FANCB: variants seen among roughly 807,000 people sequenced by gnomAD.
FANCB encodes FA complementation group B.
Under a neutral mutation model 38.9 loss-of-function variants are expected in FANCB, and 5 were observed. The observed-to-expected ratio is 0.13, with a 90% CI of 0.07 to 0.27. The LOEUF (loss-of-function observed/expected upper bound fraction) is 0.27, where lower values mean the gene tolerates loss of function less well. FANCB is among the 10% of genes least tolerant of loss of function. The probability of loss-of-function intolerance (pLI) is 1.00; values close to 1 mark genes in which losing one functional copy is unlikely to be tolerated. For missense variants in FANCB, 573 were observed against 602.7 expected, an observed-to-expected ratio of 0.95 and a Z score of 0.52; for synonymous variants, 236 against 215.4, an observed-to-expected ratio of 1.10 and a Z score of -0.84.
At chrX:14,808,107 T>C in the FANCB span, among the ~76,000 whole-genome samples, 35 of 111,863 alleles carry the variant, frequency 3.1e-4, no homozygotes, top group African/African-American at 1.1e-3. Flanking sequence ...CAAGACCCAG[T>C]GGCTTCACTG....
At chrX:14,705,395 T>A in the FANCB span, among the ~76,000 whole-genome samples, 2 of 111,946 alleles carry the variant, frequency 1.8e-5, no homozygotes, top group Non-Finnish European at 3.8e-5. Context: ...GGACTGTGTG[T>A]GTTGCTGAAC....
At chrX:14,798,375 G>A in the FANCB span, among the ~76,000 whole-genome samples, 1 of 110,741 alleles carries the variant, frequency 9.0e-6, no homozygotes, top group African/African-American at 3.3e-5. Context: ...TGTTAGCCAG[G>A]ATGATCTCGA....
chrX:14,721,965 C>T, the FANCB span, among the ~76,000 whole-genome samples: 5 of 111,881 alleles, frequency 4.5e-5, no homozygotes, highest in Non-Finnish European at 9.4e-5. Flanking sequence ...CAGCAATTGC[C>T]TTTCTTTCCT....
chrX:14,775,172 T>TTG, the FANCB span, among the ~76,000 whole-genome samples: 4 of 96,302 alleles, frequency 4.2e-5, no homozygotes, highest in Non-Finnish European at 8.5e-5. Context: ...TTTTTTTTTT[T>TTG]TTTTTTTTTT....
chrX:14,835,737 C>T (rs975494063), downstream of FANCB, among the ~76,000 whole-genome samples: 1 of 111,645 alleles, frequency 9.0e-6, no homozygotes, highest in African/African-American at 3.3e-5. Flanking sequence ...ACCTCACACC[C>T]GTTAGGATGG....
the FANCB span, among the ~76,000 whole-genome samples, chrX:14,828,853 A>C: frequency 9.0e-6 from 1 of 111,228 alleles, no homozygotes; most frequent in African/African-American, 3.3e-5. Context: ...CTGGGACCAC[A>C]GATGTGCACC....
the FANCB span, among the ~76,000 whole-genome samples, chrX:14,803,037 A>G: frequency 8.9e-6 from 1 of 112,655 alleles, no homozygotes; most frequent in Non-Finnish European, 1.9e-5. Flanking sequence ...AATTTCAGAC[A>G]GAGAAAGTGT....
the FANCB span, among the ~76,000 whole-genome samples, chrX:14,781,725 T>C: frequency 8.9e-6 from 1 of 112,025 alleles, no homozygotes; most frequent in African/African-American, 3.2e-5. Context: ...AAGTGGGCCA[T>C]GGGGATATGG....
chrX:14,826,633 G>A, the FANCB span, among the ~76,000 whole-genome samples: 21 of 112,216 alleles, frequency 1.9e-4, no homozygotes, highest in East Asian at 4.7e-3. Flanking sequence ...TTTCCTTGCC[G>A]CTTTTTCTAT....
At chrX:14,831,749 G>T (rs2092328103), downstream of FANCB, among the ~76,000 whole-genome samples, 1 of 111,929 alleles carries the variant, frequency 8.9e-6, no homozygotes, top group Non-Finnish European at 1.9e-5. Flanking sequence ...TTCAGCAGTG[G>T]ATGATCAGAC....
the FANCB span, among the ~76,000 whole-genome samples, chrX:14,797,675 C>A: frequency 6.5e-5 from 6 of 92,493 alleles, no homozygotes; most frequent in Non-Finnish European, 1.2e-4. Flanking sequence ...GAGTGAGATT[C>A]CATTAAAAAA....
the FANCB span, among the ~76,000 whole-genome samples, chrX:14,803,269 A>G: frequency 8.9e-6 from 1 of 112,129 alleles, no homozygotes; most frequent in Non-Finnish European, 1.9e-5. Context: ...ACCAGTTTGT[A>G]TACACAAAAA....
chrX:14,850,367 T>C, intron 7 of FANCB, 138 bp downstream of exon 7: 2 of 549,268 alleles, frequency 3.6e-6, no homozygotes, highest in Non-Finnish European at 6.4e-6. Context: ...ACAGTAATAA[T>C]AATTTCCCTT....
chrX:14,868,203 C>T (rs768286732), intron 2 of FANCB, among the ~76,000 whole-genome samples: 2 of 111,713 alleles, frequency 1.8e-5, no homozygotes, highest in Non-Finnish European at 3.8e-5. Flanking sequence ...AATCCCACTA[C>T]TGGGTCTATA....
the FANCB span, among the ~76,000 whole-genome samples, chrX:14,724,028 C>T: frequency 2.7e-4 from 30 of 111,897 alleles, no homozygotes; most frequent in Non-Finnish European, 5.1e-4. Flanking sequence ...AAGCCTTTTC[C>T]AACCACTCAA....
At chrX:14,867,549 C>A (rs2092475129) in intron 2 of FANCB, among the ~76,000 whole-genome samples, 1 of 110,911 alleles carries the variant, frequency 9.0e-6, no homozygotes, top group Admixed American at 9.6e-5. Context: ...AGACCAGACT[C>A]CTACCTCTCA....
At chrX:14,804,930 A>G in the FANCB span, among the ~76,000 whole-genome samples, 1 of 112,199 alleles carries the variant, frequency 8.9e-6, no homozygotes, top group Admixed American at 9.4e-5. Context: ...TCTCAGCTCT[A>G]CCACTTAACA....
the FANCB span, among the ~76,000 whole-genome samples, chrX:14,702,178 G>T: frequency 8.9e-6 from 1 of 111,797 alleles, no homozygotes; most frequent in African/African-American, 3.3e-5. Flanking sequence ...GTTGAGTCAG[G>T]AAAGTGCTAA....
the FANCB span, among the ~76,000 whole-genome samples, chrX:14,737,213 TTAAGTTACCA>T: frequency 9.0e-6 from 1 of 111,135 alleles, no homozygotes; most frequent in Non-Finnish European, 1.9e-5. Flanking sequence ...GAAACGAAAC[TTAAGTTACCA>T]ACCCATTCAG....
Sources: allele counts gnomAD v4.1 joint callset (sites outside exome capture counted in the v4.1 genomes callset), GRCh38; gene constraint gnomAD v4.1.1; transcripts MANE v1.5; gene names NCBI Gene and HGNC (gene_info 2026-07-23, HGNC 2026-07-21).